Variants in LRRC7 observed in about 807,000 individuals in gnomAD.
LRRC7 encodes leucine rich repeat containing 7, also known as leucine-rich repeat-containing protein 7.
In LRRC7, 23 loss-of-function variants were observed where a neutral mutation model predicts 175.7. That is an observed-to-expected ratio of 0.13 (90% confidence interval 0.09 to 0.19). LRRC7 has a LOEUF of 0.19. Ranked by LOEUF, LRRC7 falls within the 10% of genes least tolerant of loss-of-function variation. The pLI, the probability that LRRC7 is intolerant of heterozygous loss-of-function variation, is 1.00. For missense variants in LRRC7, 1,354 were observed against 1,904.7 expected (o/e 0.71, Z 5.38); for synonymous variants, 685 against 680.9 (o/e 1.01, Z -0.09).
At chr1:70,110,083 C>T (rs140430170) in intron 26 of LRRC7, among the ~76,000 whole-genome samples, 10 of 152,186 alleles carry the variant, frequency 6.6e-5, no homozygotes, top group African/African-American at 2.4e-4. Context: ...CAGATGGAAA[C>T]ATAGGTTAGT....
rs141713244 is a variant in LRRC7, at chr1:69,861,581, A to G, written c.647+23298A>G. On this transcript the variant is annotated intron_variant, in intron 7 of 26. Transcript: ENST00000651989. ...GCAGAAATCAGACCAAAAAGGAGTA[A>G]CCTCGCAAACAGATCTGATAAAAGT... Among the ~76,000 whole-genome samples, 465 of 152,276 alleles carry G rather than the reference A, an allele frequency of 3.1e-3. 1 individual carries two copies. Among genetic ancestry groups the G allele is most frequent in the Non-Finnish European group, 5.3e-3 (362 of 68,024 alleles).
intron 4 of LRRC7, among the ~76,000 whole-genome samples, chr1:69,815,948 CTTTATTTATTTATTTATTTA>C (rs61408208): frequency 6.1e-5 from 9 of 147,422 alleles, no homozygotes; most frequent in African/African-American, 1.8e-4. Context: ...TCTCTAGAAC[CTTTATTTATTTATTTATTTA>C]TTTATTTATT....
At chr1:70,121,044 A>C (rs985359879) in intron 26 of LRRC7, among the ~76,000 whole-genome samples, 2 of 152,062 alleles carry the variant, frequency 1.3e-5, no homozygotes, top group African/African-American at 4.8e-5. Context: ...AATATCACAT[A>C]ATAGACAGAT....
intron 2 of LRRC7, among the ~76,000 whole-genome samples, chr1:69,726,030 C>T (rs947784809): frequency 1.3e-5 from 2 of 152,186 alleles, no homozygotes; most frequent in Non-Finnish European, 2.9e-5. Context: ...AACCATTAAC[C>T]TAGAGAAAGA....
intron 25 of LRRC7, among the ~76,000 whole-genome samples, chr1:70,093,670 G>A (rs1341657505): frequency 6.6e-6 from 1 of 152,024 alleles, no homozygotes; most frequent in Non-Finnish European, 1.5e-5. Context: ...GAGTCAGCAT[G>A]TATTCTCTGT....
intron 26 of LRRC7, among the ~76,000 whole-genome samples, chr1:70,111,426 A>G (rs564655848): frequency 6.6e-6 from 1 of 152,348 alleles, no homozygotes; most frequent in Non-Finnish European, 1.5e-5. Context: ...CTGACCCTTC[A>G]TAGACTCACC....
At chr1:69,811,236 G>T (rs1331641446) in intron 4 of LRRC7, among the ~76,000 whole-genome samples, 1 of 152,140 alleles carries the variant, frequency 6.6e-6, no homozygotes, top group African/African-American at 2.4e-5. Flanking sequence ...TCTCACATCA[G>T]TTAGAATGGC....
intron 7 of LRRC7, among the ~76,000 whole-genome samples, chr1:69,852,922 G>C (rs138927561): frequency 6.6e-5 from 10 of 152,190 alleles, no homozygotes; most frequent in Non-Finnish European, 1.3e-4. Context: ...ATTGTTGCCT[G>C]GTGAGCAAAC....
chr1:69,805,368 T>C (rs1676991819), intron 4 of LRRC7, among the ~76,000 whole-genome samples: 1 of 151,832 alleles, frequency 6.6e-6, no homozygotes, highest in South Asian at 2.1e-4. Context: ...TCTAGTAGTG[T>C]ATACATTATA....
At chr1:69,738,660 A>G (rs1158790330) in intron 2 of LRRC7, among the ~76,000 whole-genome samples, 3 of 152,080 alleles carry the variant, frequency 2.0e-5, no homozygotes, top group Non-Finnish European at 4.4e-5. Context: ...AAAAAGAAAG[A>G]CTATTTTTAT....
chr1:69,597,452 C>T (rs947403961), intron 1 of LRRC7, among the ~76,000 whole-genome samples: 2 of 152,112 alleles, frequency 1.3e-5, no homozygotes, highest in African/African-American at 4.8e-5. Context: ...ATAAATAGTA[C>T]TACTATTACA....
intron 1 of LRRC7, chr1:69,607,457 T>G (rs1434533985): frequency 6.6e-6 from 1 of 152,136 alleles, no homozygotes; most frequent in Admixed American, 6.6e-5. Context: ...TTAATTTTCA[T>G]TTTTCTTCCC....
intron 4 of LRRC7, among the ~76,000 whole-genome samples, chr1:69,819,577 CTGTGTGTGTGTG>C (rs71071379): frequency 1.6e-4 from 18 of 114,958 alleles, no homozygotes; most frequent in African/African-American, 3.4e-4. Context: ...CTCTCTCTCT[CTGTGTGTGTGTG>C]TGTGTGTGTG....
Position 69,568,567 on chromosome 1 carries a change from A to G in LRRC7, c.-73A>G. The G allele has an allele frequency of 2.3e-6, 3 of 1,329,166 alleles. No homozygotes were observed. Among genetic ancestry groups the G allele is most frequent in the Non-Finnish European group, 3.0e-6 (3 of 1,003,268 alleles). The allele number at this position is 1,329,166 out of a possible 1,614,324, so 82.3% of individuals were successfully genotyped here. A position where few individuals can be genotyped will look rare whatever the true frequency, so the allele number is the denominator to read the frequency against. On this transcript the variant is annotated 5_prime_UTR_variant, in exon 1 of 27. Coordinates refer to ENST00000651989, the MANE Select transcript of LRRC7 (RefSeq NM_001370785.2). ...CCCACTCCACTGCGGACCCCTGAAC[A>G]CTTAAGGAATAACCCTTGGCAGCTG...
At chr1:70,072,718 T>C (rs1416575334) in intron 23 of LRRC7, among the ~76,000 whole-genome samples, 1 of 152,220 alleles carries the variant, frequency 6.6e-6, no homozygotes, top group Non-Finnish European at 1.5e-5. Flanking sequence ...AATAGATTAC[T>C]AAATACAAAA....
chr1:70,103,517 G>T (rs1473965654), intron 25 of LRRC7, among the ~76,000 whole-genome samples: 1 of 152,126 alleles, frequency 6.6e-6, no homozygotes, highest in Non-Finnish European at 1.5e-5. Context: ...ACATTTCCTA[G>T]AAGCTACATA....
Position 69,735,504 on chromosome 1 carries a change from T to G in LRRC7, c.101-24687T>G, listed in dbSNP as rs1213254946. On this transcript the variant is annotated intron_variant, in intron 2 of 26. Coordinates refer to ENST00000651989, the MANE Select transcript of LRRC7 (RefSeq NM_001370785.2). The stretch of plus-strand genomic sequence containing the variant: ...CGATCACATCAGAAGGCATATTATA[T>G]TAATTTGTCCCACAACTGGTGATAC... Among the ~76,000 whole-genome samples the G allele has an allele frequency of 3.3e-5, 5 of 152,118 alleles. No individual in the cohort carries two copies. The South Asian group carries it at 1.0e-3, about 31-fold the overall frequency.
chr1:69,667,525 C>G (rs1337847993), intron 1 of LRRC7, among the ~76,000 whole-genome samples: 1 of 152,138 alleles, frequency 6.6e-6, no homozygotes, highest in African/African-American at 2.4e-5. Flanking sequence ...GTTATATTCT[C>G]TTGCTGAATT....
Position 69,994,168 on chromosome 1 carries a change from A to G in LRRC7, c.932-393A>G, listed in dbSNP as rs140079675. Reference sequence around the variant, plus strand: ...TAATTCAGATTTGTTTTCAATTTGTATCACAACAGCGATGTTAGTTATTAC... The same window carrying G: ...TAATTCAGATTTGTTTTCAATTTGTGTCACAACAGCGATGTTAGTTATTAC... On this transcript the variant is annotated intron_variant, in intron 10 of 26. Transcript: ENST00000651989. Among the ~76,000 whole-genome samples, 3 of 152,304 alleles carry G rather than the reference A, an allele frequency of 2.0e-5. No individual in the cohort carries two copies. The East Asian group carries it at 5.8e-4, about 29-fold the overall frequency.
Sources: gnomAD v4.1 joint callset for allele counts (sites outside exome capture counted in the v4.1 genomes callset) on GRCh38, gnomAD v4.1.1 for gene constraint, MANE v1.5 for transcripts, NCBI Gene and HGNC (gene_info 2026-07-23, HGNC 2026-07-21) for gene names.